The following SNURF variants were observed in gnomAD, a reference collection of about 807,000 sequenced individuals.
SNURF encodes SNURF protein.
SNURF carries 6 observed loss-of-function variants against 11.6 expected under a neutral mutation model. The ratio of observed to expected loss-of-function variants is 0.52; its 90% CI spans 0.28 to 1.02. SNURF has a LOEUF of 1.02. Among genes scored for constraint, SNURF ranks in the 50% least tolerant of loss-of-function variants. SNURF has a pLI of 0.09. For synonymous variants in SNURF, 29 were observed against 31.6 expected, an observed-to-expected ratio of 0.92 and a Z score of 0.27; for missense variants, 84 against 88.4, an observed-to-expected ratio of 0.95 and a Z score of 0.20.
chr15:24,977,425 G>C (rs1365899410), intron 6 of SNURF, among the ~76,000 whole-genome samples: 1 of 152,166 alleles, frequency 6.6e-6, no homozygotes, highest in Non-Finnish European at 1.5e-5. Flanking sequence ...GATCACTTGA[G>C]GTCAGGAGTT....
At chr15:24,955,420 C>T (rs2062678600) in intron 1 of SNURF, among the ~76,000 whole-genome samples, 1 of 151,678 alleles carries the variant, frequency 6.6e-6, no homozygotes, top group Admixed American at 6.6e-5. Flanking sequence ...AGGGTGATTG[C>T]AGTTCCGTGT....
chr15:24,962,341 T>TA (rs1234790232), intron 2 of SNURF, 132 bp downstream of exon 2: 3 of 737,600 alleles, frequency 4.1e-6, no homozygotes, highest in Non-Finnish European at 7.1e-6. Context: ...GAAGATGTAG[T>TA]AAAAAAGCAA....
chr15:24,978,297 C>T (rs780336659), downstream of SNURF: 1 of 1,614,116 alleles, frequency 6.2e-7, no homozygotes, highest in Non-Finnish European at 8.5e-7. Flanking sequence ...GGGAATGAGA[C>T]CCCCTCCACC....
intron 6 of SNURF, chr15:24,977,038 C>T (rs959867550): frequency 1.9e-6 from 3 of 1,552,738 alleles, no homozygotes; most frequent in Admixed American, 2.2e-5. Flanking sequence ...AGGTGAGGAA[C>T]CAGCAGAGGG....
At chr15:24,974,564 A>G (rs1164438887) in intron 3 of SNURF, 8 of 1,010,756 alleles carry the variant, frequency 7.9e-6, no homozygotes, top group Non-Finnish European at 1.3e-5. Flanking sequence ...AAATAAGGAT[A>G]CATCCATGGA....
downstream of SNURF, chr15:24,978,226 C>T: frequency 6.2e-7 from 1 of 1,613,946 alleles, no homozygotes; most frequent in Non-Finnish European, 8.5e-7. Flanking sequence ...ATGAGACCAC[C>T]CATGGGCCCA....
At chr15:24,969,412 A>T (rs1184962265), downstream of SNURF, among the ~76,000 whole-genome samples, 1 of 152,208 alleles carries the variant, frequency 6.6e-6, no homozygotes, top group Non-Finnish European at 1.5e-5. Context: ...TACAGGCGTG[A>T]CCTACCGCGC....
chr15:24,969,960 C>T (rs1295471454), downstream of SNURF, among the ~76,000 whole-genome samples: 3 of 152,130 alleles, frequency 2.0e-5, no homozygotes, highest in Admixed American at 6.6e-5. Flanking sequence ...GCCTAAAATA[C>T]TTAGTATCTT....
downstream of SNURF, chr15:24,968,829 A>G (rs771816298): frequency 4.6e-5 from 7 of 152,148 alleles, no homozygotes; most frequent in African/African-American, 1.4e-4. Flanking sequence ...TAATTTTTCA[A>G]TGTGATGTAG....
chr15:24,956,164 C>G (rs1413883099), intron 1 of SNURF, among the ~76,000 whole-genome samples: 3 of 152,152 alleles, frequency 2.0e-5, no homozygotes, highest in Admixed American at 6.5e-5. Context: ...CTTGCATTTA[C>G]AGATCTTTTG....
downstream of SNURF, chr15:24,978,446 A>G (rs1343994265): frequency 1.9e-6 from 3 of 1,613,334 alleles, no homozygotes; most frequent in Non-Finnish European, 2.5e-6. Context: ...AGACCTTAGC[A>G]TACTGTTGAT....
chr15:24,960,606 G>A (rs1476416339), intron 1 of SNURF, among the ~76,000 whole-genome samples: 1 of 152,068 alleles, frequency 6.6e-6, no homozygotes, highest in Non-Finnish European at 1.5e-5. Flanking sequence ...CTGCCTCATT[G>A]GGATTTTGAT....
exon 3 of SNURF, chr15:24,968,106 C>A: frequency 1.5e-6 from 2 of 1,318,388 alleles, no homozygotes; most frequent in Admixed American, 1.7e-5. Context: ...CAGCAATGAT[C>A]AAGAATAAAG....
At chr15:24,975,823 A>T (rs949837536) in intron 4 of SNURF, among the ~76,000 whole-genome samples, 1 of 152,242 alleles carries the variant, frequency 6.6e-6, no homozygotes, top group African/African-American at 2.4e-5. Context: ...CAGCAGTCTT[A>T]GACCAAATCT....
chr15:24,973,703 A>G (rs1283242630), downstream of SNURF, among the ~76,000 whole-genome samples: 1 of 152,156 alleles, frequency 6.6e-6, no homozygotes, highest in Non-Finnish European at 1.5e-5. Context: ...CCCGGCCGTT[A>G]ACGTGATTTA....
At chr15:24,977,942 G>A (rs747531465), downstream of SNURF, 16 of 1,530,534 alleles carry the variant, frequency 1.0e-5, no homozygotes, top group Middle Eastern at 1.8e-4. Context: ...ACACGAAGAC[G>A]AACTTGAATC....
intron 1 of SNURF, among the ~76,000 whole-genome samples, chr15:24,961,703 G>A (rs959289077): frequency 6.6e-6 from 1 of 152,030 alleles, no homozygotes; most frequent in African/African-American, 2.4e-5. Flanking sequence ...ATATAAGTAT[G>A]TCTACTGTAT....
At chr15:24,960,057 G>T (rs1301283308) in intron 1 of SNURF, among the ~76,000 whole-genome samples, 1 of 151,958 alleles carries the variant, frequency 6.6e-6, no homozygotes, top group Non-Finnish European at 1.5e-5. Context: ...CTGAGGGCAG[G>T]AGCTCGACAT....
exon 3 of SNURF, chr15:24,968,368 C>A: frequency 4.5e-6 from 1 of 223,792 alleles, no homozygotes; most frequent in South Asian, 6.1e-5. Context: ...CTCTTGAATA[C>A]CCTGTTACTG....
Sources: allele counts gnomAD v4.1 joint callset (sites outside exome capture counted in the v4.1 genomes callset), GRCh38; gene constraint gnomAD v4.1.1; transcripts MANE v1.5; gene names NCBI Gene and HGNC (gene_info 2026-07-23, HGNC 2026-07-21).